EHBP1: variants seen among roughly 807,000 people sequenced by gnomAD.
EHBP1 encodes EH domain binding protein 1.
A neutral mutation model predicts 144.0 loss-of-function variants in EHBP1; 55 were observed. That is an observed-to-expected ratio of 0.38 (90% confidence interval 0.31 to 0.48). The LOEUF (loss-of-function observed/expected upper bound fraction) is 0.48. EHBP1 is among the 20% of genes least tolerant of loss of function. The probability of loss-of-function intolerance (pLI) is 0.98; values close to 1 mark genes in which losing one functional copy is unlikely to be tolerated. For missense variants in EHBP1, 1,200 were observed against 1,364.2 expected, an observed-to-expected ratio of 0.88 and a Z score of 1.90; for synonymous variants, 469 against 472.7, an observed-to-expected ratio of 0.99 and a Z score of 0.10.
At chr2:63,011,732 A>G (rs1559064304) in intron 19 of EHBP1, among the ~76,000 whole-genome samples, 1 of 152,000 alleles carries the variant, frequency 6.6e-6, no homozygotes, top group Non-Finnish European at 1.5e-5. Context: ...AGCTGGACTT[A>G]AACATTCCTG....
At chr2:62,729,297 AT>A (rs1311325051) in intron 2 of EHBP1, among the ~76,000 whole-genome samples, 1 of 132,618 alleles carries the variant, frequency 7.5e-6, no homozygotes, top group Non-Finnish European at 1.5e-5. Context: ...CACATATAAT[AT>A]TTTATAATAT....
At chr2:62,905,713 A>T (rs969691373) in intron 10 of EHBP1, among the ~76,000 whole-genome samples, 1 of 152,038 alleles carries the variant, frequency 6.6e-6, no homozygotes, top group Non-Finnish European at 1.5e-5. Context: ...AATCCCAGCT[A>T]CTTGGGAGGC....
At chr2:62,688,375 T>C (rs2033789002) in intron 1 of EHBP1, among the ~76,000 whole-genome samples, 1 of 152,188 alleles carries the variant, frequency 6.6e-6, no homozygotes, top group Admixed American at 6.5e-5. Context: ...CACATAATTA[T>C]ACATCTTTAT....
rs2049922716 is a variant in EHBP1, at chr2:62,864,926, A to G, written c.953A>G (p.Tyr318Cys). The G allele has an allele frequency of 1.2e-6, 2 of 1,613,734 alleles. No individual in the cohort carries two copies. The highest frequency in any genetic ancestry group is 1.6e-4 in the Middle Eastern group (1 of 6,080). ...ATAAGACCTGTGGATATGAGCAAGT[A>G]CCTCTATGCTGATAGTTCTAAAACT... ...KNIRPVDMSK[Y>C]LYADSSKTEE... Residue 318 changes from tyrosine (Y) to cysteine (C), a missense_variant, in exon 9 of 23, where the codon TAC becomes TGC. Around this residue, in one of 6 missense-constraint regions of EHBP1, gnomAD observed 266 missense variants for 262.4 expected, o/e 1.01. Transcript: ENST00000431489.
At chr2:62,944,282 A>G (rs2056939113) in intron 12 of EHBP1, among the ~76,000 whole-genome samples, 1 of 152,110 alleles carries the variant, frequency 6.6e-6, no homozygotes. Context: ...GGTTCTTTTC[A>G]TTTTCTGGTA....
chr2:62,719,355 T>C (rs575007178), intron 2 of EHBP1, among the ~76,000 whole-genome samples: 1 of 152,162 alleles, frequency 6.6e-6, no homozygotes, highest in Non-Finnish European at 1.5e-5. Context: ...GTAGATCTGC[T>C]CATTTTTTTT....
At chr2:62,684,727 A>G (rs1030189512) in intron 1 of EHBP1, among the ~76,000 whole-genome samples, 1 of 152,242 alleles carries the variant, frequency 6.6e-6, no homozygotes, top group Non-Finnish European at 1.5e-5. Flanking sequence ...TTATGTTCCT[A>G]TCTTCCAGCT....
chr2:63,001,788 A>G (rs573845031), intron 19 of EHBP1, among the ~76,000 whole-genome samples: 1 of 152,010 alleles, frequency 6.6e-6, no homozygotes, highest in Non-Finnish European at 1.5e-5. Flanking sequence ...CTGGAGCCTG[A>G]CTCCCAGATA....
intron 5 of EHBP1, among the ~76,000 whole-genome samples, chr2:62,781,932 C>G (rs1452091027): frequency 6.6e-6 from 1 of 152,080 alleles, no homozygotes; most frequent in Non-Finnish European, 1.5e-5. Context: ...AAAGCATTTT[C>G]AAATAAAATG....
intron 15 of EHBP1, among the ~76,000 whole-genome samples, chr2:62,986,030 C>T (rs1422244135): frequency 6.6e-6 from 1 of 152,152 alleles, no homozygotes; most frequent in Non-Finnish European, 1.5e-5. Context: ...TCTATACTCT[C>T]CCTCTAGATT....
intron 15 of EHBP1, among the ~76,000 whole-genome samples, chr2:62,989,968 G>T (rs898343595): frequency 6.6e-6 from 1 of 152,054 alleles, no homozygotes; most frequent in Non-Finnish European, 1.5e-5. Flanking sequence ...AATTAGAAAA[G>T]TTATTAATCT....
At chr2:62,746,654 G>A (rs1024922692) in intron 2 of EHBP1, among the ~76,000 whole-genome samples, 2 of 151,912 alleles carry the variant, frequency 1.3e-5, no homozygotes, top group Non-Finnish European at 2.9e-5. Flanking sequence ...AAGTAATTGC[G>A]GTTTTAGTCG....
chr2:62,905,999 C>T (rs2053782117), intron 10 of EHBP1, among the ~76,000 whole-genome samples: 1 of 148,942 alleles, frequency 6.7e-6, no homozygotes, highest in Non-Finnish European at 1.5e-5. Flanking sequence ...ATGCTTTTGA[C>T]GTTGTATATA....
intron 19 of EHBP1, among the ~76,000 whole-genome samples, chr2:63,020,526 GAAAGA>G (rs893032446): frequency 1.3e-5 from 2 of 150,476 alleles, no homozygotes; most frequent in Non-Finnish European, 3.0e-5. Context: ...AAAGAAAAAA[GAAAGA>G]AAAGAAAAGG....
chr2:62,879,984 C>G (rs932643568), intron 10 of EHBP1, among the ~76,000 whole-genome samples: 1 of 152,094 alleles, frequency 6.6e-6, no homozygotes, highest in Non-Finnish European at 1.5e-5. Context: ...TAGAAGGGTA[C>G]AGTAATCAAA....
intron 5 of EHBP1, among the ~76,000 whole-genome samples, chr2:62,772,876 A>T (rs967105888): frequency 1.3e-5 from 2 of 152,194 alleles, no homozygotes; most frequent in Admixed American, 1.3e-4. Context: ...CCTGGCAGTA[A>T]CTGGGCCATG....
intron 19 of EHBP1, among the ~76,000 whole-genome samples, chr2:63,010,871 T>A (rs992290424): frequency 6.6e-6 from 1 of 151,764 alleles, no homozygotes; most frequent in Non-Finnish European, 1.5e-5. Context: ...TCAAACTACT[T>A]AAGTACACAA....
intron 2 of EHBP1, among the ~76,000 whole-genome samples, chr2:62,717,295 A>T (rs924376209): frequency 6.6e-6 from 1 of 152,228 alleles, no homozygotes; most frequent in African/African-American, 2.4e-5. Flanking sequence ...CAGGGAACTT[A>T]AAATTAGGCA....
chr2:62,730,856 A>T (rs1421963862), intron 2 of EHBP1, among the ~76,000 whole-genome samples: 2 of 132,026 alleles, frequency 1.5e-5, no homozygotes, highest in African/African-American at 2.8e-5. Flanking sequence ...AGAGAGAGAC[A>T]GACAGGCAGA....
Sources: gnomAD v4.1 joint callset for allele counts (sites outside exome capture counted in the v4.1 genomes callset) on GRCh38, gnomAD v4.1.1 for gene constraint, gnomAD v4.1.1 regional missense constraint, MANE v1.5 for transcripts, NCBI Gene and HGNC (gene_info 2026-07-23, HGNC 2026-07-21) for gene names.